NFASC: variants seen among roughly 807,000 people sequenced by gnomAD.
The protein encoded by NFASC is neurofascin.
A neutral mutation model predicts 147.5 loss-of-function variants in NFASC; 43 were observed. The observed-to-expected ratio is 0.29, with a 90% CI of 0.23 to 0.38. The LOEUF (loss-of-function observed/expected upper bound fraction) is 0.38, where lower values mean the gene tolerates loss of function less well. Ranked by LOEUF, NFASC falls within the 10% of genes least tolerant of loss-of-function variation. NFASC has a pLI of 1.00. For synonymous variants in NFASC, 622 were observed against 665.5 expected, an observed-to-expected ratio of 0.93 and a Z score of 1.01; for missense variants, 1,320 against 1,689.0, an observed-to-expected ratio of 0.78 and a Z score of 3.83.
intron 1 of NFASC, among the ~76,000 whole-genome samples, chr1:204,859,272 A>G (rs1168842438): frequency 6.6e-6 from 1 of 152,234 alleles, no homozygotes; most frequent in Non-Finnish European, 1.5e-5. Context: ...TCACTGTGCC[A>G]GGTGCTTCTG....
intron 1 of NFASC, among the ~76,000 whole-genome samples, chr1:204,916,082 G>A (rs6665547): frequency 0.21 from 32,365 of 152,066 alleles, 3,875 homozygotes; most frequent in East Asian, 0.43. Flanking sequence ...TCAGAGGAAC[G>A]AATGAGGTGT....
chr1:204,915,831 C>T (rs1231643079), intron 1 of NFASC, among the ~76,000 whole-genome samples: 1 of 151,962 alleles, frequency 6.6e-6, no homozygotes, highest in Non-Finnish European at 1.5e-5. Context: ...TAAGAGATCC[C>T]GGGACCAGCT....
intron 2 of NFASC, among the ~76,000 whole-genome samples, chr1:204,931,404 A>ATT (rs974432780): frequency 2.6e-5 from 4 of 152,126 alleles, no homozygotes; most frequent in Non-Finnish European, 4.4e-5. Flanking sequence ...GCCCTGCTAC[A>ATT]TTTTTTTATC....
intron 24 of NFASC, among the ~76,000 whole-genome samples, chr1:204,995,356 G>T (rs1045057023): frequency 2.0e-5 from 3 of 148,964 alleles, no homozygotes; most frequent in Admixed American, 2.0e-4. Context: ...GTGTGTGTAT[G>T]TGTGTCGGTG....
At chr1:205,006,372 A>G (rs988217089) in intron 27 of NFASC, among the ~76,000 whole-genome samples, 2 of 152,232 alleles carry the variant, frequency 1.3e-5, no homozygotes, top group African/African-American at 4.8e-5. Context: ...AGAACAATTA[A>G]ATGTTCCACT....
intron 27 of NFASC, among the ~76,000 whole-genome samples, chr1:205,005,256 A>C (rs1365541471): frequency 6.6e-6 from 1 of 151,662 alleles, no homozygotes; most frequent in African/African-American, 2.4e-5. Flanking sequence ...ATCTATCCCT[A>C]TTTCTAGAAC....
intron 2 of NFASC, among the ~76,000 whole-genome samples, 170 bp from the exon 3 acceptor site, chr1:204,944,056 G>T (rs2093552017): frequency 6.6e-6 from 1 of 152,212 alleles, no homozygotes; most frequent in Non-Finnish European, 1.5e-5. Context: ...CCCAGGCCAA[G>T]AATTGTTCAG....
At position 205,015,252 on chromosome 1, in the gene NFASC, C is replaced by G. The variant is rs1030710691; in HGVS notation, c.3492-1056C>G. 1.3e-5 allele frequency among the ~76,000 whole-genome samples: 2 copies of G among 152,160 alleles called. No homozygotes were observed. The highest frequency in any genetic ancestry group is 4.8e-5 in the African/African-American group (2 of 41,452). The stretch of plus-strand genomic sequence containing the variant: ...AGGCAGTGTGTGGTGTGTGTCTGCT[C>G]AGACCGCCTGGCACCGCTATGGTCC... On this transcript the variant is annotated intron_variant, in intron 29 of 29. Transcript: ENST00000339876. This position sits in a 1 kb window ranked among gnomAD's most constrained non-coding sequence, Gnocchi z 4.0.
intron 27 of NFASC, among the ~76,000 whole-genome samples, chr1:205,004,110 A>T (rs1431904977): frequency 6.6e-6 from 1 of 152,222 alleles, no homozygotes; most frequent in African/African-American, 2.4e-5. Context: ...GCTCACTGGT[A>T]TGTGCATTTG....
At chr1:204,949,269 G>A (rs1489965164) in intron 3 of NFASC, among the ~76,000 whole-genome samples, 2 of 152,172 alleles carry the variant, frequency 1.3e-5, no homozygotes, top group African/African-American at 4.8e-5. Flanking sequence ...CTTCCCTGCT[G>A]TGGCTCTTCC....
At chr1:204,985,906 G>A (rs367827898) in intron 21 of NFASC, 242 of 1,609,566 alleles carry the variant, frequency 1.5e-4, no homozygotes, top group Non-Finnish European at 1.5e-4. Context: ...CCTCTGTCCC[G>A]AAGGCCTACT....
chr1:204,866,671 C>T (rs988698283), intron 1 of NFASC, among the ~76,000 whole-genome samples: 51 of 152,346 alleles, frequency 3.3e-4, no homozygotes, highest in African/African-American at 1.2e-3. Context: ...TAAACATTCA[C>T]TGCAAGCCTG....
chr1:205,004,887 T>G (rs1195828165), intron 27 of NFASC, among the ~76,000 whole-genome samples: 1 of 152,186 alleles, frequency 6.6e-6, no homozygotes, highest in Non-Finnish European at 1.5e-5. Context: ...CAATGGGAAG[T>G]TAATCACCTC....
intron 1 of NFASC, among the ~76,000 whole-genome samples, chr1:204,920,427 C>CTTTT (rs11381518): frequency 5.0e-5 from 6 of 119,588 alleles, no homozygotes; most frequent in African/African-American, 1.3e-4. Context: ...AGGATCTGTC[C>CTTTT]TTTTTTTTTT....
intron 10 of NFASC, among the ~76,000 whole-genome samples, chr1:204,970,033 G>A (rs6662896): frequency 0.06 from 7,926 of 132,696 alleles, 566 homozygotes; most frequent in African/African-American, 0.19. Context: ...CCAAGATTGC[G>A]CCACTGCGCC....
intron 1 of NFASC, among the ~76,000 whole-genome samples, chr1:204,906,059 G>C (rs905392632): frequency 2.6e-5 from 4 of 152,032 alleles, no homozygotes; most frequent in Non-Finnish European, 5.9e-5. Context: ...ATGTCTGTTG[G>C]ATTGTTTATC....
At chr1:204,870,056 G>A (rs1439148693) in intron 1 of NFASC, among the ~76,000 whole-genome samples, 1 of 152,224 alleles carries the variant, frequency 6.6e-6, no homozygotes, top group Non-Finnish European at 1.5e-5. Flanking sequence ...TCCTCCAGGA[G>A]GGTAGGAGAG....
intron 1 of NFASC, among the ~76,000 whole-genome samples, chr1:204,833,293 T>G (rs561216455): frequency 6.6e-6 from 1 of 152,256 alleles, no homozygotes; most frequent in Non-Finnish European, 1.5e-5. Context: ...AATGAGATAT[T>G]GTTAAGTTGC....
rs1313187429 is a variant in NFASC at position 204,979,870 on chromosome 1, C to G, written c.2176+311C>G. On this transcript the variant is annotated intron_variant, in intron 19 of 29. Coordinates refer to ENST00000339876, the MANE Select transcript of NFASC (RefSeq NM_001005388.3). The surrounding 1 kb of genome is among the most constrained non-coding windows in gnomAD (Gnocchi z 6.0). ...GGAGAGCTGTGGCAAAGAGGTACAGCAGAAATACATAATTCAGTGTGAGAA... is the reference window on the plus strand; with the variant it reads ...GGAGAGCTGTGGCAAAGAGGTACAGGAGAAATACATAATTCAGTGTGAGAA... 6.6e-6 allele frequency among the ~76,000 whole-genome samples: 1 copy of G among 152,166 alleles called. No individual in the cohort carries two copies. Among genetic ancestry groups the G allele is most frequent in the East Asian group, 1.9e-4 (1 of 5,196 alleles).
Sources: gnomAD v4.1 joint callset for allele counts (sites outside exome capture counted in the v4.1 genomes callset) on GRCh38, gnomAD v4.1.1 for gene constraint, Gnocchi (gnomAD v3.1) non-coding constraint, MANE v1.5 for transcripts, NCBI Gene and HGNC (gene_info 2026-07-23, HGNC 2026-07-21) for gene names.